Variants in TMPRSS15 observed in about 807,000 individuals in gnomAD.
The protein encoded by TMPRSS15 is enteropeptidase.
In TMPRSS15, 128 loss-of-function variants were observed where a neutral mutation model predicts 125.3. That is an observed-to-expected ratio of 1.02 (90% CI 0.89 to 1.18). The LOEUF (loss-of-function observed/expected upper bound fraction) is 1.18. Ranked by LOEUF, TMPRSS15 falls within the 50% of genes most tolerant of loss-of-function variation. The pLI is 0.00. For missense variants in TMPRSS15, 1,283 were observed against 1,212.7 expected (o/e 1.06, Z -0.86); for synonymous variants, 446 against 423.2 (o/e 1.05, Z -0.66).
chr21:18,469,582 T>C (rs1202896026), intron 1 of TMPRSS15, among the ~76,000 whole-genome samples: 1 of 152,142 alleles, frequency 6.6e-6, no homozygotes, highest in Admixed American at 6.6e-5. Context: ...ATTATTATAA[T>C]ATTCATTACA....
At position 18,379,317 on chromosome 21, in the gene TMPRSS15, G is replaced by A; in HGVS notation, c.498C>T (p.Asp166=). The change falls in exon 5 of 25, where the codon GAC becomes GAT. Residue 166 remains aspartate (D), a splice_region_variant and synonymous_variant. Coordinates refer to ENST00000284885, the MANE Select transcript of TMPRSS15 (RefSeq NM_002772.3). Reference sequence around the variant, plus strand: ...CCAGATGACTGGTGGTTGTTAGCTTGTCTGAAAAATAAATTATATTAAAAT... The same window carrying A: ...CCAGATGACTGGTGGTTGTTAGCTTATCTGAAAAATAAATTATATTAAAAT... ...HIDLNSVDIL[D]KLTTTSHLAT... The A allele has an allele frequency of 2.3e-6, 3 of 1,303,012 alleles. No individual in the cohort carries two copies. The highest frequency in any genetic ancestry group is 3.0e-6 in the Non-Finnish European group (3 of 989,736). The allele number at this position is 1,303,012 out of a possible 1,614,324, so 80.7% of individuals were successfully genotyped here.
At chr21:18,413,841 C>T (rs1431518938) in intron 1 of TMPRSS15, among the ~76,000 whole-genome samples, 1 of 152,140 alleles carries the variant, frequency 6.6e-6, no homozygotes, top group Non-Finnish European at 1.5e-5. Context: ...GATCCTCCCA[C>T]CTCAGCCTCC....
At position 18,312,966 on chromosome 21, in the gene TMPRSS15, ACAT is replaced by A. The variant is rs2075117142; in HGVS notation, c.2141_2143del (p.Asp714del). 2 of 1,613,980 alleles carry A rather than the reference ACAT, an allele frequency of 1.2e-6. No homozygotes were observed. Among genetic ancestry groups the A allele is most frequent in the South Asian group, 2.2e-5 (2 of 91,076 alleles). On this transcript the variant is annotated inframe_deletion, in exon 18 of 25. Transcript: ENST00000284885. ...TTACCCTAGTCCCAGCAGTTGACAA[ACAT>A]CATTTGAAATCTGGGTGGTCCAGTT...
intron 21 of TMPRSS15, among the ~76,000 whole-genome samples, chr21:18,284,220 T>C (rs1246227647): frequency 6.6e-6 from 1 of 152,132 alleles, no homozygotes; most frequent in African/African-American, 2.4e-5. Flanking sequence ...TGCACTTAAC[T>C]TCCCCACCAC....
At chr21:18,319,278 AC>A (rs1257907438) in intron 16 of TMPRSS15, among the ~76,000 whole-genome samples, 1 of 152,054 alleles carries the variant, frequency 6.6e-6, no homozygotes, top group Non-Finnish European at 1.5e-5. Context: ...AGTAAATACT[AC>A]TTTTGTCTTT....
intron 23 of TMPRSS15, 91 bp downstream of exon 23, chr21:18,278,873 A>T (rs2074652924): frequency 2.8e-6 from 2 of 701,796 alleles, no homozygotes; most frequent in Admixed American, 5.3e-5. Flanking sequence ...AATTGCAAAG[A>T]TGTTGAAAGC....
intron 10 of TMPRSS15, 124 bp downstream of exon 10, chr21:18,352,779 T>A: frequency 9.8e-7 from 1 of 1,021,728 alleles, no homozygotes; most frequent in Non-Finnish European, 1.5e-6. Flanking sequence ...ATTGAATTTT[T>A]AAAAAACCCA....
At position 18,297,821 on chromosome 21, in the gene TMPRSS15, T is replaced by C; in HGVS notation, c.2174A>G (p.Asn725Ser). 1 of 1,611,068 alleles carries C rather than the reference T, an allele frequency of 6.2e-7. No homozygotes were observed. Among genetic ancestry groups the C allele is most frequent in the Admixed American group, 1.7e-5 (1 of 59,994 alleles). The change falls in exon 19 of 25, where the codon AAC becomes AGC. Residue 725 changes from asparagine to serine, a missense_variant. By Grantham distance (46) the Asn-to-Ser change is conservative. Coordinates refer to ENST00000284885, the MANE Select transcript of TMPRSS15 (RefSeq NM_002772.3). ...VCQLLGLGSGNSSKPIFPTDG... is the reference protein window; with the variant it reads ...VCQLLGLGSGSSSKPIFPTDG... ...GGTAGGGAAGATTGGCTTTGATGAG[T>C]TTCCACTCCTAGAGAAAAAAGAAAA...
chr21:18,461,511 G>A (rs2122952600), intron 1 of TMPRSS15, among the ~76,000 whole-genome samples: 1 of 152,108 alleles, frequency 6.6e-6, no homozygotes, highest in South Asian at 2.1e-4. Context: ...CTTGTAGCAT[G>A]AATAGCAAGG....
chr21:18,456,969 C>T (rs974407530), intron 1 of TMPRSS15, among the ~76,000 whole-genome samples: 5 of 151,908 alleles, frequency 3.3e-5, no homozygotes, highest in Admixed American at 6.6e-5. Context: ...TAGTGAATTC[C>T]AAAACATTTA....
intron 4 of TMPRSS15, among the ~76,000 whole-genome samples, chr21:18,382,395 G>A (rs2075901032): frequency 6.6e-6 from 1 of 152,130 alleles, no homozygotes; most frequent in Non-Finnish European, 1.5e-5. Flanking sequence ...GAAGGACTAA[G>A]AATTTATCTT....
At chr21:18,394,138 A>G (rs1292319812) in intron 3 of TMPRSS15, among the ~76,000 whole-genome samples, 1 of 152,136 alleles carries the variant, frequency 6.6e-6, no homozygotes, top group African/African-American at 2.4e-5. Context: ...CTTTTTAGTG[A>G]TTCTACCCTC....
At chr21:18,337,508 C>A (rs1432334751) in intron 13 of TMPRSS15, among the ~76,000 whole-genome samples, 5 of 152,162 alleles carry the variant, frequency 3.3e-5, no homozygotes, top group Admixed American at 3.3e-4. Context: ...TCAGCGCAAT[C>A]CCCACATTTA....
At chr21:18,283,405 AT>A (rs1568981404) in intron 21 of TMPRSS15, among the ~76,000 whole-genome samples, 1 of 152,010 alleles carries the variant, frequency 6.6e-6, no homozygotes, top group Non-Finnish European at 1.5e-5. Flanking sequence ...TTCACTCAAT[AT>A]TTACAAAAAA....
chr21:18,344,155 A>T lies in TMPRSS15; in HGVS notation c.1172-95T>A, dbSNP rs188864180. ...GTAAGCAGGAAAGAAAAACTTTAAG[A>T]AGAAAGGTTAAGGAAATATATTTTA... On this transcript the variant is annotated intron_variant, in intron 10 of 24. Coordinates refer to ENST00000284885, the MANE Select transcript of TMPRSS15 (RefSeq NM_002772.3). 8,678 of 1,001,462 alleles carry T rather than the reference A, an allele frequency of 8.7e-3. 54 individuals are homozygous for T. The highest frequency in any genetic ancestry group is 0.012 in the Non-Finnish European group (7,557 of 643,892). 62.0% of individuals were successfully genotyped at this position (1,001,462 alleles called of 1,614,324 possible). A position where few individuals can be genotyped will look rare whatever the true frequency, so the allele number is the denominator to read the frequency against.
In TMPRSS15 at chr21:18,483,022, CA is replaced by C. The variant is rs1979013172; in HGVS notation, c.10+2776del. On this transcript the variant is annotated intron_variant, in intron 1 of 7. Transcript: ENST00000422787. ...TCCCAGGTGCAAGGCTTATTCTTTC[CA>C]AACAGCTGTGATTAGTGGAATACTA... Among the ~76,000 whole-genome samples, 4 of 151,670 alleles carry C rather than the reference CA, an allele frequency of 2.6e-5. No homozygotes were observed. In the Admixed American group the frequency reaches 2.6e-4, roughly 10 times the overall value.
intron 1 of TMPRSS15, among the ~76,000 whole-genome samples, chr21:18,475,714 G>T (rs1213003036): frequency 1.3e-5 from 2 of 152,112 alleles, no homozygotes; most frequent in Non-Finnish European, 2.9e-5. Context: ...AATGATATAG[G>T]TTGTTTGGCT....
At chr21:18,450,700 A>G (rs1383945706) in intron 1 of TMPRSS15, among the ~76,000 whole-genome samples, 1 of 152,158 alleles carries the variant, frequency 6.6e-6, no homozygotes, top group East Asian at 1.9e-4. Flanking sequence ...AAAAAATCCA[A>G]GACAGCCTTA....
chr21:18,363,121 T>C (rs1424057126), intron 7 of TMPRSS15, among the ~76,000 whole-genome samples: 2 of 152,136 alleles, frequency 1.3e-5, no homozygotes, highest in Admixed American at 1.3e-4. Flanking sequence ...CTGATCACTA[T>C]TGGGAAAGAA....
Sources: allele counts gnomAD v4.1 joint callset (sites outside exome capture counted in the v4.1 genomes callset), GRCh38; gene constraint gnomAD v4.1.1; transcripts MANE v1.5; gene names NCBI Gene and HGNC (gene_info 2026-07-23, HGNC 2026-07-21).